Variants in TRPM3 observed in about 807,000 individuals in gnomAD.
TRPM3 encodes the protein transient receptor potential cation channel subfamily M member 3, also known as long transient receptor potential channel 3.
In TRPM3, 77 loss-of-function variants were observed where a neutral mutation model predicts 181.2. That is an observed-to-expected ratio of 0.42 (90% CI 0.35 to 0.51). The LOEUF (loss-of-function observed/expected upper bound fraction) is 0.51. Ranked by LOEUF, TRPM3 falls within the 20% of genes least tolerant of loss-of-function variation. The pLI is 0.01. For synonymous variants in TRPM3, 745 were observed against 796.4 expected, an observed-to-expected ratio of 0.94 and a Z score of 1.09; for missense variants, 1,759 against 2,196.7, an observed-to-expected ratio of 0.80 and a Z score of 3.98.
intron 1 of TRPM3, among the ~76,000 whole-genome samples, chr9:71,321,633 G>A (rs1565459953): frequency 6.6e-6 from 1 of 152,098 alleles, no homozygotes. Flanking sequence ...ATGTTTCATT[G>A]ATGAAATGAT....
intron 1 of TRPM3, among the ~76,000 whole-genome samples, chr9:70,985,627 G>C (rs557502214): frequency 4.0e-4 from 61 of 152,172 alleles, no homozygotes; most frequent in African/African-American, 1.5e-3. Flanking sequence ...TAAAGTACTT[G>C]TTGCTAATCT....
chr9:70,986,295 T>A (rs1433012827), intron 1 of TRPM3, among the ~76,000 whole-genome samples: 1 of 152,148 alleles, frequency 6.6e-6, no homozygotes, highest in Non-Finnish European at 1.5e-5. Context: ...ATCCAGAAGT[T>A]CAAGGCTGCA....
intron 19 of TRPM3, among the ~76,000 whole-genome samples, chr9:70,608,283 G>T (rs1258559538): frequency 1.3e-5 from 2 of 152,170 alleles, no homozygotes; most frequent in Non-Finnish European, 2.9e-5. Flanking sequence ...TTCGGCTCAA[G>T]TTTTTCTTTT....
chr9:71,412,689 G>C (rs1168136148), intron 1 of TRPM3, among the ~76,000 whole-genome samples: 2 of 152,172 alleles, frequency 1.3e-5, no homozygotes, highest in African/African-American at 2.4e-5. Context: ...AGACAGTGTG[G>C]TGATTCCTCA....
At chr9:71,264,729 G>A (rs981204327) in intron 1 of TRPM3, among the ~76,000 whole-genome samples, 1 of 152,140 alleles carries the variant, frequency 6.6e-6, no homozygotes, top group African/African-American at 2.4e-5. Flanking sequence ...CAGATTCTGA[G>A]TGAGAATCTA....
intron 1 of TRPM3, among the ~76,000 whole-genome samples, chr9:71,034,945 A>G (rs1296367443): frequency 6.6e-6 from 1 of 151,664 alleles, no homozygotes; most frequent in Non-Finnish European, 1.5e-5. Flanking sequence ...CGTGCATTTA[A>G]AAAATGGTCA....
intron 1 of TRPM3, among the ~76,000 whole-genome samples, chr9:71,177,636 T>C (rs868410478): frequency 1.3e-5 from 2 of 151,902 alleles, no homozygotes; most frequent in Non-Finnish European, 2.9e-5. Flanking sequence ...TAGGAAAACC[T>C]ATCTTTTCAC....
At chr9:70,963,001 G>C (rs531450694) in intron 1 of TRPM3, among the ~76,000 whole-genome samples, 1 of 152,226 alleles carries the variant, frequency 6.6e-6, no homozygotes, top group African/African-American at 2.4e-5. Context: ...AGTTGAGCCT[G>C]TTTCTAGATG....
chr9:70,837,436 C>T (rs573541952), intron 5 of TRPM3, among the ~76,000 whole-genome samples: 5 of 152,266 alleles, frequency 3.3e-5, no homozygotes, highest in Admixed American at 1.3e-4. Flanking sequence ...AATTTAATAA[C>T]CACACAAGAT....
intron 1 of TRPM3, among the ~76,000 whole-genome samples, chr9:70,912,432 T>C (rs2096547751): frequency 6.6e-6 from 1 of 152,218 alleles, no homozygotes. Flanking sequence ...TCTCCTAAGA[T>C]GATGTTCTGA....
At chr9:70,965,031 T>C (rs2097172240) in intron 1 of TRPM3, among the ~76,000 whole-genome samples, 1 of 152,206 alleles carries the variant, frequency 6.6e-6, no homozygotes. Context: ...TATCATGCCC[T>C]AGTTCTCTAA....
At chr9:71,130,093 A>T (rs2074278884) in intron 1 of TRPM3, among the ~76,000 whole-genome samples, 1 of 152,206 alleles carries the variant, frequency 6.6e-6, no homozygotes, top group South Asian at 2.1e-4. Flanking sequence ...AGTATTATCC[A>T]ACTTTGATTC....
At chr9:70,547,039 C>T (rs2045142566) in intron 25 of TRPM3, among the ~76,000 whole-genome samples, 2 of 152,072 alleles carry the variant, frequency 1.3e-5, no homozygotes, top group African/African-American at 2.4e-5. Context: ...GCAAATACAA[C>T]GTGTATAAAT....
intron 6 of TRPM3, among the ~76,000 whole-genome samples, chr9:70,791,960 TC>T (rs2131011874): frequency 6.6e-6 from 1 of 152,268 alleles, no homozygotes; most frequent in East Asian, 1.9e-4. Context: ...TGCTTTTCTA[TC>T]TAGTAATCGG....
At chr9:71,008,569 G>C (rs141463452) in intron 1 of TRPM3, among the ~76,000 whole-genome samples, 1 of 152,266 alleles carries the variant, frequency 6.6e-6, no homozygotes, top group East Asian at 1.9e-4. Context: ...ATGGCCAGGC[G>C]TGGTGGCTCA....
chr9:71,335,466 G>T (rs147846688), intron 1 of TRPM3, among the ~76,000 whole-genome samples: 1 of 151,922 alleles, frequency 6.6e-6, no homozygotes, highest in Non-Finnish European at 1.5e-5. Flanking sequence ...AATAGAACAC[G>T]CCCTTATAAT....
chr9:71,413,873 A>T (rs529176305), intron 1 of TRPM3, among the ~76,000 whole-genome samples: 4 of 136,102 alleles, frequency 2.9e-5, no homozygotes, highest in East Asian at 2.2e-4. Flanking sequence ...TTTTTTTTTT[A>T]AACTACCCAG....
intron 24 of TRPM3, among the ~76,000 whole-genome samples, chr9:70,550,550 C>T (rs1204691740): frequency 2.0e-5 from 3 of 152,160 alleles, no homozygotes; most frequent in Admixed American, 6.5e-5. Context: ...ACTGATATAG[C>T]AGTAGAAAGA....
chr9:71,442,732 C>T (rs1209276720), intron 1 of TRPM3, among the ~76,000 whole-genome samples: 1 of 151,634 alleles, frequency 6.6e-6, no homozygotes, highest in African/African-American at 2.4e-5. Flanking sequence ...TCTTTATATT[C>T]TGATTAAAAA....
Sources: gnomAD v4.1 joint callset for allele counts (sites outside exome capture counted in the v4.1 genomes callset) on GRCh38, gnomAD v4.1.1 for gene constraint, MANE v1.5 for transcripts, NCBI Gene and HGNC (gene_info 2026-07-23, HGNC 2026-07-21) for gene names.